PRKCE: variants seen among roughly 807,000 people sequenced by gnomAD.
The protein encoded by PRKCE is protein kinase C epsilon.
In PRKCE, 16 loss-of-function variants were observed where a neutral mutation model predicts 85.4. The ratio of observed to expected loss-of-function variants is 0.19; its 90% CI spans 0.13 to 0.28. PRKCE has a LOEUF of 0.28. Among genes scored for constraint, PRKCE ranks in the 10% least tolerant of loss-of-function variants. The pLI is 1.00. For synonymous variants in PRKCE, 388 were observed against 371.5 expected, an observed-to-expected ratio of 1.04 and a Z score of -0.51; for missense variants, 573 against 975.2, an observed-to-expected ratio of 0.59 and a Z score of 5.49.
At chr2:45,977,047 C>T (rs1042464166) in intron 3 of PRKCE, among the ~76,000 whole-genome samples, 5 of 151,962 alleles carry the variant, frequency 3.3e-5, no homozygotes, top group East Asian at 1.9e-4. Context: ...CAGGAGCACA[C>T]GACCACGCCT....
At chr2:46,112,492 GTTTT>G (rs58558782) in intron 11 of PRKCE, among the ~76,000 whole-genome samples, 17,177 of 128,828 alleles carry the variant, frequency 0.13, 1,226 homozygotes, top group East Asian at 0.41. Flanking sequence ...TGTTTTTTTG[GTTTT>G]TTTTTTGTTT....
intron 10 of PRKCE, among the ~76,000 whole-genome samples, chr2:46,085,826 A>G (rs1465121846): frequency 1.4e-5 from 2 of 144,878 alleles, no homozygotes; most frequent in African/African-American, 5.2e-5. Context: ...GATATCTTCT[A>G]GAGGAGGATT....
At chr2:45,798,964 A>G (rs767114346) in intron 1 of PRKCE, among the ~76,000 whole-genome samples, 10 of 152,074 alleles carry the variant, frequency 6.6e-5, no homozygotes, top group East Asian at 1.9e-4. Flanking sequence ...TCAGGAGATC[A>G]AGACCATCCT....
At chr2:45,884,103 C>T (rs1001463897) in intron 2 of PRKCE, among the ~76,000 whole-genome samples, 8 of 152,170 alleles carry the variant, frequency 5.3e-5, no homozygotes, top group Admixed American at 6.5e-5. Flanking sequence ...TTTTTGCAAA[C>T]AACCAGGACT....
intron 1 of PRKCE, among the ~76,000 whole-genome samples, chr2:45,740,976 T>G (rs1250196232): frequency 6.6e-6 from 1 of 152,232 alleles, no homozygotes; most frequent in African/African-American, 2.4e-5. Context: ...ATAAAACATC[T>G]GATGAAAAAA....
chr2:46,018,276 C>T (rs986435358), intron 10 of PRKCE, among the ~76,000 whole-genome samples: 5 of 152,152 alleles, frequency 3.3e-5, no homozygotes, highest in Non-Finnish European at 7.4e-5. Flanking sequence ...TGCTATGTGC[C>T]GTGCCATGGG....
intron 1 of PRKCE, among the ~76,000 whole-genome samples, chr2:45,789,676 C>A (rs1686886994): frequency 6.6e-6 from 1 of 152,134 alleles, no homozygotes; most frequent in Admixed American, 6.5e-5. Flanking sequence ...AACCCTCAGC[C>A]CTGGCTGTCC....
At chr2:46,086,079 G>C in intron 10 of PRKCE, 129 bp from the exon 11 acceptor site, 2 of 910,674 alleles carry the variant, frequency 2.2e-6, no homozygotes, top group South Asian at 1.6e-5. Context: ...GGTGCTACCA[G>C]GATTCACCCA....
At chr2:46,130,188 T>C (rs1674281677) in intron 11 of PRKCE, among the ~76,000 whole-genome samples, 1 of 152,144 alleles carries the variant, frequency 6.6e-6, no homozygotes, top group African/African-American at 2.4e-5. Context: ...ATTACAAAAT[T>C]GGAAAGAGAC....
Position 46,187,570 on chromosome 2 carries a change from A to G in PRKCE, c.*2689A>G, listed in dbSNP as rs1470755977. 1 of 133,338 alleles carries G rather than the reference A, an allele frequency of 7.5e-6. No homozygotes were observed. Among genetic ancestry groups the G allele is most frequent in the Non-Finnish European group, 1.5e-5 (1 of 65,998 alleles). 8.3% of individuals were successfully genotyped at this position (133,338 alleles called of 1,614,324 possible). A position where few individuals can be genotyped will look rare whatever the true frequency, so the allele number is the denominator to read the frequency against. ...TTCTCTTTCTCTCTCTCTCTCAAAG[A>G]AAAAAAAAATGGGAGTGCAAAAAAA... is the stretch of plus-strand genomic sequence containing the variant. On this transcript the variant is annotated 3_prime_UTR_variant, in exon 15 of 15. Transcript: ENST00000306156.
At chr2:45,699,969 C>T (rs1290110909) in intron 1 of PRKCE, among the ~76,000 whole-genome samples, 3 of 152,008 alleles carry the variant, frequency 2.0e-5, no homozygotes, top group Non-Finnish European at 2.9e-5. Flanking sequence ...GGTGATAGCT[C>T]TCTGGTTTTC....
At chr2:46,088,651 C>G (rs1574439954) in intron 11 of PRKCE, among the ~76,000 whole-genome samples, 1 of 152,166 alleles carries the variant, frequency 6.6e-6, no homozygotes, top group Non-Finnish European at 1.5e-5. Flanking sequence ...GCCTTAATCC[C>G]TATCCTCAAA....
chr2:46,053,629 C>G (rs1312628486), intron 10 of PRKCE, among the ~76,000 whole-genome samples: 1 of 152,190 alleles, frequency 6.6e-6, no homozygotes, highest in Non-Finnish European at 1.5e-5. Context: ...TGGCCTATTT[C>G]ACTTAGCACC....
At position 45,884,212 on chromosome 2, in the gene PRKCE, C is replaced by T. The variant is rs539219097; in HGVS notation, c.412+41149C>T. Among the ~76,000 whole-genome samples the T allele has an allele frequency of 3.3e-5, 5 of 152,320 alleles. No individual in the cohort carries two copies. The South Asian group carries it at 1.0e-3, about 32-fold the overall frequency. The stretch of plus-strand genomic sequence containing the variant: ...AGCCAGGAGGTGGGGTGAGAGGGTT[C>T]TGAGTTCAGGTTCTGCCACTGGGCA... On this transcript the variant is annotated intron_variant, in intron 2 of 14. Transcript: ENST00000306156.
intron 2 of PRKCE, among the ~76,000 whole-genome samples, chr2:45,909,400 G>A (rs1178614110): frequency 1.4e-5 from 2 of 142,496 alleles, no homozygotes; most frequent in African/African-American, 4.9e-5. Flanking sequence ...CCAGTACTGT[G>A]CATCATAATC....
intron 10 of PRKCE, among the ~76,000 whole-genome samples, chr2:46,076,682 G>T (rs1668583627): frequency 6.6e-6 from 1 of 152,052 alleles, no homozygotes; most frequent in Non-Finnish European, 1.5e-5. Flanking sequence ...AACTGTGATT[G>T]AATTAAGGCT....
chr2:45,880,250 C>T (rs1694781581), intron 2 of PRKCE, among the ~76,000 whole-genome samples: 1 of 152,212 alleles, frequency 6.6e-6, no homozygotes, highest in South Asian at 2.1e-4. Flanking sequence ...ACCACATTTT[C>T]TTTGTCCATT....
intron 12 of PRKCE, among the ~76,000 whole-genome samples, chr2:46,146,111 G>T (rs542159246): frequency 7.9e-5 from 12 of 152,342 alleles, no homozygotes; most frequent in African/African-American, 2.9e-4. Context: ...TGCCTTTCCT[G>T]AAAGTTGTTT....
intron 2 of PRKCE, among the ~76,000 whole-genome samples, chr2:45,955,495 T>A (rs1477635691): frequency 6.6e-6 from 1 of 152,194 alleles, no homozygotes; most frequent in East Asian, 1.9e-4. Flanking sequence ...TCTCTTCTGC[T>A]CAGCTGAATT....
Sources: gnomAD v4.1 joint callset for allele counts (sites outside exome capture counted in the v4.1 genomes callset) on GRCh38, gnomAD v4.1.1 for gene constraint, MANE v1.5 for transcripts, NCBI Gene and HGNC (gene_info 2026-07-23, HGNC 2026-07-21) for gene names.